The following CCNJL variants were observed in gnomAD, a reference collection of about 807,000 sequenced individuals.
CCNJL encodes the protein cyclin-J-like protein.
A neutral mutation model predicts 33.4 loss-of-function variants in CCNJL; 33 were observed. The ratio of observed to expected loss-of-function variants is 0.99; its 90% CI spans 0.75 to 1.32. The LOEUF is 1.32. Ranked by LOEUF, CCNJL falls within the 40% of genes most tolerant of loss-of-function variation. The pLI, the probability that CCNJL is intolerant of heterozygous loss-of-function variation, is 0.00. For synonymous variants in CCNJL, 227 were observed against 220.9 expected (o/e 1.03, Z -0.24); for missense variants, 512 against 499.7 (o/e 1.02, Z -0.23).
At position 160,250,256 on chromosome 5, in the gene CCNJL, A is replaced by G. The variant is rs559538278; in HGVS notation, c.*3122T>C. On this transcript the variant is annotated 3_prime_UTR_variant, in exon 6 of 6. Transcript: ENST00000257536. ...GTAACAGATGGAGAAATGGAAGCCC[A>G]AAGAGGGAGGGATTTGTCCAAAGTG... 2.5e-4 allele frequency: 38 copies of G among 152,376 alleles called. 1 individual carries two copies. Among genetic ancestry groups the G allele is most frequent in the African/African-American group, 8.2e-4 (34 of 41,582 alleles). The allele number at this position is 152,376 out of a possible 1,614,324, so 9.4% of individuals were successfully genotyped here.
chr5:160,290,551 A>C (rs1762549843), intron 2 of CCNJL, among the ~76,000 whole-genome samples: 1 of 152,134 alleles, frequency 6.6e-6, no homozygotes, highest in Admixed American at 6.5e-5. Context: ...TACAGACATG[A>C]GCTACCATGC....
intron 3 of CCNJL, among the ~76,000 whole-genome samples, chr5:160,275,525 C>A (rs1761980686): frequency 6.6e-6 from 1 of 152,020 alleles, no homozygotes; most frequent in Non-Finnish European, 1.5e-5. Context: ...GGCTCTGTGG[C>A]CCAGGCTGGA....
chr5:160,278,471 G>A (rs1311355362), intron 3 of CCNJL, among the ~76,000 whole-genome samples: 1 of 152,120 alleles, frequency 6.6e-6, no homozygotes, highest in Non-Finnish European at 1.5e-5. Context: ...GAGGGGAGGA[G>A]GGAAGAATAG....
intron 2 of CCNJL, among the ~76,000 whole-genome samples, chr5:160,300,040 A>G (rs901216014): frequency 6.6e-6 from 1 of 152,106 alleles, no homozygotes; most frequent in Non-Finnish European, 1.5e-5. Context: ...GTTCTGAATG[A>G]CATCCTCTCC....
intron 1 of CCNJL, among the ~76,000 whole-genome samples, chr5:160,331,081 T>C (rs115576562): frequency 0.035 from 5,337 of 152,244 alleles, 300 homozygotes; most frequent in African/African-American, 0.12. Flanking sequence ...GTGATGGTCT[T>C]GCACCATCCA....
At chr5:160,319,997 G>A (rs1763421102) in intron 1 of CCNJL, among the ~76,000 whole-genome samples, 1 of 152,110 alleles carries the variant, frequency 6.6e-6, no homozygotes, top group Admixed American at 6.5e-5. Context: ...GGGACCTATG[G>A]GAATCACCTG....
intron 1 of CCNJL, among the ~76,000 whole-genome samples, chr5:160,320,825 C>CT (rs1763435739): frequency 8.6e-6 from 1 of 116,526 alleles, no homozygotes; most frequent in African/African-American, 3.2e-5. Context: ...TTCTTTCTTT[C>CT]TTTCTTTCTT....
chr5:160,338,611 A>T (rs1056901076), intron 1 of CCNJL, among the ~76,000 whole-genome samples: 6 of 152,180 alleles, frequency 3.9e-5, no homozygotes, highest in African/African-American at 1.4e-4. Flanking sequence ...GGAAAGAATG[A>T]TGAGAGAAAA....
rs1561766920 is a variant in CCNJL at position 160,253,377 on chromosome 5, CCTAT to C, written c.1161_1164del (p.Ter388ProfsTer34). ...GCTTCCTCGTGAGGTCTGGAGGTGG[CCTAT>C]CTGTCAAAGCAGCCGGTGGGGAACA... is the stretch of plus-strand genomic sequence containing the variant. On this transcript the variant is annotated frameshift_variant and stop_lost, in exon 6 of 6. Transcript: ENST00000257536. LOFTEE classifies it high-confidence loss of function. 3 of 1,570,018 alleles carry C rather than the reference CCTAT, an allele frequency of 1.9e-6. No homozygotes were observed. Among genetic ancestry groups the C allele is most frequent in the Non-Finnish European group, 2.6e-6 (3 of 1,154,534 alleles).
chr5:160,286,918 G>A (rs1037812787), intron 2 of CCNJL, among the ~76,000 whole-genome samples: 4 of 152,036 alleles, frequency 2.6e-5, no homozygotes, highest in African/African-American at 9.7e-5. Flanking sequence ...TCTCTTTGTG[G>A]CCGAAAATTT....
chr5:160,296,054 C>T (rs936778654), intron 2 of CCNJL, among the ~76,000 whole-genome samples: 2 of 152,212 alleles, frequency 1.3e-5, no homozygotes, highest in Non-Finnish European at 2.9e-5. Flanking sequence ...TTTTGTTCAT[C>T]CTGTAGGCAG....
intron 2 of CCNJL, among the ~76,000 whole-genome samples, chr5:160,282,966 A>AATATATATATATATATATATAT (rs70990720): frequency 3.2e-4 from 14 of 43,370 alleles, no homozygotes; most frequent in South Asian, 8.5e-4. Flanking sequence ...CAGTCCTTGG[A>AATATATATATATATATATATAT]ATATATATAT....
intron 2 of CCNJL, among the ~76,000 whole-genome samples, chr5:160,288,319 T>A (rs1008262282): frequency 7.9e-5 from 12 of 152,072 alleles, no homozygotes; most frequent in Non-Finnish European, 1.5e-4. Context: ...TGTTTTCAGT[T>A]TGGAAACAAA....
chr5:160,332,273 C>T (rs1294859600), intron 1 of CCNJL, among the ~76,000 whole-genome samples: 2 of 152,170 alleles, frequency 1.3e-5, no homozygotes, highest in African/African-American at 4.8e-5. Context: ...GCCATCTGGC[C>T]TTAAAACCAG....
At chr5:160,283,014 TATATATATATATAC>T (rs1415062645) in intron 2 of CCNJL, among the ~76,000 whole-genome samples, 9 of 84,252 alleles carry the variant, frequency 1.1e-4, no homozygotes, top group African/African-American at 4.4e-4. Context: ...TATATACATA[TATATATATATATAC>T]CTAAGAGAAA....
intron 1 of CCNJL, among the ~76,000 whole-genome samples, chr5:160,323,221 C>T (rs976776165): frequency 8.2e-5 from 12 of 146,290 alleles, no homozygotes; most frequent in South Asian, 2.2e-4. Context: ...GGCAACAGAG[C>T]GAGACTCCAA....
At chr5:160,282,966 A>AATATATATATATGT in intron 2 of CCNJL, among the ~76,000 whole-genome samples, 1 of 43,388 alleles carries the variant, frequency 2.3e-5, no homozygotes, top group Admixed American at 4.1e-4. Context: ...CAGTCCTTGG[A>AATATATATATATGT]ATATATATAT....
At chr5:160,294,990 T>C (rs1762707256) in intron 2 of CCNJL, 1 of 152,250 alleles carries the variant, frequency 6.6e-6, no homozygotes, top group Non-Finnish European at 1.5e-5. Flanking sequence ...AATGGGACAG[T>C]AGGGTGACTG....
At chr5:160,271,084 T>C (rs1761818403) in intron 3 of CCNJL, among the ~76,000 whole-genome samples, 1 of 152,068 alleles carries the variant, frequency 6.6e-6, no homozygotes, top group Admixed American at 6.6e-5. Context: ...TTGAAGACAA[T>C]CTCAAAAATC....
Sources: allele counts gnomAD v4.1 joint callset (sites outside exome capture counted in the v4.1 genomes callset), GRCh38; gene constraint gnomAD v4.1.1; transcripts MANE v1.5; gene names NCBI Gene and HGNC (gene_info 2026-07-23, HGNC 2026-07-21).